The following HERC1 variants were observed in gnomAD, a reference collection of about 807,000 sequenced individuals.
HERC1 encodes HECT and RLD domain containing E3 ubiquitin protein ligase family member 1, also known as probable E3 ubiquitin-protein ligase HERC1.
In HERC1, 160 loss-of-function variants were observed where a neutral mutation model predicts 554.3. The ratio of observed to expected loss-of-function variants is 0.29; its 90% CI spans 0.25 to 0.33. HERC1 has a LOEUF of 0.33. HERC1 is among the 10% of genes least tolerant of loss of function. The pLI is 1.00. For missense variants in HERC1, 4,919 were observed against 5,918.5 expected (o/e 0.83, Z 5.54); for synonymous variants, 2,175 against 2,131.7 (o/e 1.02, Z -0.56).
chr15:63,656,154 T>C lies in HERC1; in HGVS notation c.9804A>G (p.Thr3268=). The C allele has an allele frequency of 6.2e-7, 1 of 1,612,782 alleles. No homozygotes were observed. The highest frequency in any genetic ancestry group is 8.5e-7 in the Non-Finnish European group (1 of 1,179,352). ...CATTTGATGCCAGACATCCCACTGC[T>C]GTGCTCAAATAGGCCAGGCAAGAGA... is the stretch of plus-strand genomic sequence containing the variant. ...KPISCLAYLS[T]AVGCLASNAP... The change falls in exon 49 of 78, where the codon ACA becomes ACG. Residue 3268 remains threonine (T), a synonymous_variant. Coordinates refer to ENST00000443617, the MANE Select transcript of HERC1 (RefSeq NM_003922.4).
intron 2 of HERC1, among the ~76,000 whole-genome samples, chr15:63,774,300 T>C (rs2076047208): frequency 6.6e-6 from 1 of 152,224 alleles, no homozygotes; most frequent in East Asian, 1.9e-4. Flanking sequence ...AGGTGTAGAA[T>C]AGTACTTGGC....
intron 25 of HERC1, among the ~76,000 whole-genome samples, chr15:63,704,692 C>T (rs919090256): frequency 3.3e-5 from 5 of 150,466 alleles, no homozygotes; most frequent in African/African-American, 7.3e-5. Flanking sequence ...GCACATTATA[C>T]TAAACATCAC....
Position 63,640,458 on chromosome 15 carries a change from A to G in HERC1, c.11608-13T>C. On this transcript the variant is annotated splice_polypyrimidine_tract_variant and intron_variant, in intron 60 of 77. Transcript: ENST00000443617. ...AAACCACATGAGGCTAAAACAAAAT[A>G]CAAGGATATAATATGTCAAAGAGTT... 2 of 1,603,106 alleles carry G rather than the reference A, an allele frequency of 1.2e-6. No individual in the cohort carries two copies. The highest frequency in any genetic ancestry group is 1.7e-6 in the Non-Finnish European group (2 of 1,170,904).
intron 1 of HERC1, among the ~76,000 whole-genome samples, chr15:63,810,070 G>T (rs2077254216): frequency 6.6e-6 from 1 of 152,060 alleles, no homozygotes; most frequent in Non-Finnish European, 1.5e-5. Context: ...GAATGAGGAA[G>T]ATCTACAATT....
At chr15:63,713,006 G>C (rs1425374688) in intron 23 of HERC1, 111 bp from the exon 24 acceptor site, 11 of 1,040,686 alleles carry the variant, frequency 1.1e-5, no homozygotes, top group South Asian at 1.0e-4. Flanking sequence ...GAGGAGTAAT[G>C]TCAGTTGACA....
chr15:63,758,137 G>A lies in HERC1; in HGVS notation c.1221+38C>T. 6.9e-7 allele frequency: 1 copy of A among 1,450,752 alleles called. No individual in the cohort carries two copies. Among genetic ancestry groups the A allele is most frequent in the Non-Finnish European group, 9.6e-7 (1 of 1,044,080 alleles). The allele number at this position is 1,450,752 out of a possible 1,614,324, so 89.9% of individuals were successfully genotyped here. A position where few individuals can be genotyped will look rare whatever the true frequency, so the allele number is the denominator to read the frequency against. ...TGCAAATAAGCATGAATATACACCA[G>A]ATTATCTACCAGTTTGTAAGCTATT... On this transcript the variant is annotated intron_variant, in intron 4 of 77. Transcript: ENST00000443617. This position sits in a 1 kb window ranked among gnomAD's most constrained non-coding sequence, Gnocchi z 4.0.
At chr15:63,818,488 A>G (rs1388865981) in intron 1 of HERC1, among the ~76,000 whole-genome samples, 3 of 152,238 alleles carry the variant, frequency 2.0e-5, no homozygotes, top group East Asian at 1.9e-4. Flanking sequence ...AAGAACTGAA[A>G]GACATCTTAA....
Position 63,689,592 on chromosome 15 carries a change from T to C in HERC1, c.6045A>G (p.Leu2015=), listed in dbSNP as rs1161441812. The change falls in exon 33 of 78, where the codon CTA becomes CTG. Residue 2015 remains leucine, a synonymous_variant. Transcript: ENST00000443617. ...QIKEKEQEIK[L]QKQGELEEED... is the part of the protein sequence containing the mutation. ...CCTTTTAGGAAAAACCAATTACCTG[T>C]AGTTTTATTTCTTGTTCTTTTTCCT... The C allele has an allele frequency of 5.9e-6, 9 of 1,521,314 alleles. No individual in the cohort carries two copies. Among genetic ancestry groups the C allele is most frequent in the African/African-American group, 4.2e-5 (3 of 72,184 alleles). 94.2% of individuals were successfully genotyped at this position (1,521,314 alleles called of 1,614,324 possible).
At chr15:63,778,390 C>T (rs1447628578) in intron 1 of HERC1, among the ~76,000 whole-genome samples, 1 of 152,088 alleles carries the variant, frequency 6.6e-6, no homozygotes, top group Admixed American at 6.6e-5. Context: ...TTTTAAAGTA[C>T]ATTTAATTTA....
At position 63,674,715 on chromosome 15, in the gene HERC1, G is replaced by C. The variant is rs1223966312; in HGVS notation, c.7473C>G (p.His2491Gln). The C allele has an allele frequency of 6.2e-7, 1 of 1,613,590 alleles. No individual in the cohort carries two copies. The highest frequency in any genetic ancestry group is 1.1e-5 in the South Asian group (1 of 91,048). The part of the protein sequence containing the change: ...ITEGKRKNHE[H>Q]MSKNHDVAQS... ...GGGCTACATCATGGTTTTTGGACAT[G>C]TGTTCATGATTTTTTCTTTTCCCTT... Residue 2491 changes from histidine to glutamine, a missense_variant, in exon 38 of 78, where the codon CAC becomes CAG. By Grantham distance (24) the His-to-Gln change is conservative (BLOSUM62 0). Around this residue, in one of 11 missense-constraint regions of HERC1, gnomAD observed 1,963 missense variants for 2,228.6 expected, o/e 0.88. Coordinates refer to ENST00000443617, the MANE Select transcript of HERC1 (RefSeq NM_003922.4).
chr15:63,609,312 A>G, intron 77 of HERC1, 46 bp from the exon 78 acceptor site: 8 of 1,535,848 alleles, frequency 5.2e-6, no homozygotes, highest in Non-Finnish European at 7.0e-6. Context: ...TCAGAGTGCC[A>G]TAAGGGGGAG....
rs535227280 is a variant in HERC1, at chr15:63,750,724, G to C, written c.1903-933C>G. ...TGGCAGGAGGATCACCCAAGCTCAG[G>C]AGTTCAATACCAGCCTGGACAATGT... On this transcript the variant is annotated intron_variant, in intron 8 of 77. Coordinates refer to ENST00000443617, the MANE Select transcript of HERC1 (RefSeq NM_003922.4). Among the ~76,000 whole-genome samples, 5 of 152,232 alleles carry C rather than the reference G, an allele frequency of 3.3e-5. No individual in the cohort carries two copies. In the East Asian group the frequency reaches 9.6e-4, roughly 29 times the overall value.
At chr15:63,788,579 C>T (rs1305098210) in intron 1 of HERC1, among the ~76,000 whole-genome samples, 2 of 152,160 alleles carry the variant, frequency 1.3e-5, no homozygotes, top group East Asian at 3.8e-4. Context: ...AATACTACCA[C>T]AGTTGTGGAT....
At chr15:63,713,993 C>T (rs986123126) in intron 22 of HERC1, among the ~76,000 whole-genome samples, 2 of 152,094 alleles carry the variant, frequency 1.3e-5, no homozygotes, top group Admixed American at 6.5e-5. Flanking sequence ...ATCATCTGGG[C>T]ACTTGTTAGA....
intron 68 of HERC1, 35 bp from the exon 69 acceptor site, chr15:63,630,670 T>C: frequency 1.9e-6 from 3 of 1,592,456 alleles, no homozygotes; most frequent in Non-Finnish European, 2.6e-6. Flanking sequence ...GTGGAAATGT[T>C]ATGCACCACA....
At chr15:63,826,413 C>A (rs868503768) in intron 1 of HERC1, among the ~76,000 whole-genome samples, 1 of 152,116 alleles carries the variant, frequency 6.6e-6, no homozygotes. Context: ...GGTATCAATA[C>A]GTACTGTATA....
At chr15:63,653,433 A>T (rs2069819609) in intron 51 of HERC1, among the ~76,000 whole-genome samples, 1 of 151,426 alleles carries the variant, frequency 6.6e-6, no homozygotes, top group Non-Finnish European at 1.5e-5. Context: ...AGACTCCGTT[A>T]AAAAAAAACT....
intron 1 of HERC1, among the ~76,000 whole-genome samples, chr15:63,826,797 AAAAAAAAAAAAAAAAAAATATATATATAT>A (rs1184732488): frequency 1.4e-5 from 1 of 71,450 alleles, no homozygotes; most frequent in Non-Finnish European, 2.9e-5. Flanking sequence ...AAAAAAAAAA[AAAAAAAAAAAAAAAAAAATATATATATAT>A]ATATATATAT....
At chr15:63,779,751 C>G (rs567386064) in intron 1 of HERC1, 2 of 152,220 alleles carry the variant, frequency 1.3e-5, no homozygotes, top group Admixed American at 1.3e-4. Context: ...CACGGTGGCT[C>G]ACGCCTGTAA....
Sources: gnomAD v4.1 joint callset for allele counts (sites outside exome capture counted in the v4.1 genomes callset) on GRCh38, gnomAD v4.1.1 for gene constraint, gnomAD v4.1.1 regional missense constraint, Gnocchi (gnomAD v3.1) non-coding constraint, MANE v1.5 for transcripts, NCBI Gene and HGNC (gene_info 2026-07-23, HGNC 2026-07-21) for gene names.